Variants in PDE4D observed in about 807,000 individuals in gnomAD.
PDE4D encodes the protein 3',5'-cyclic-AMP phosphodiesterase 4D.
A neutral mutation model predicts 87.4 loss-of-function variants in PDE4D; 24 were observed. That is an observed-to-expected ratio of 0.27 (90% CI 0.20 to 0.39). The LOEUF is 0.39. Among genes scored for constraint, PDE4D ranks in the 10% least tolerant of loss-of-function variants. The pLI is 1.00. For missense variants in PDE4D, 714 were observed against 1,041.0 expected (o/e 0.69, Z 4.32); for synonymous variants, 384 against 383.2 (o/e 1.00, Z -0.02).
chr5:60,225,220 C>T (rs1744947975), intron 1 of PDE4D, among the ~76,000 whole-genome samples: 1 of 152,022 alleles, frequency 6.6e-6, no homozygotes, highest in Non-Finnish European at 1.5e-5. Context: ...CTACCCATGT[C>T]AAGAGGATCT....
intron 1 of PDE4D, among the ~76,000 whole-genome samples, chr5:59,837,623 G>C (rs1026714607): frequency 2.6e-5 from 4 of 152,006 alleles, no homozygotes; most frequent in African/African-American, 9.7e-5. Flanking sequence ...CGTATTATTT[G>C]CTTTCAATCA....
intron 1 of PDE4D, among the ~76,000 whole-genome samples, chr5:59,293,842 A>C (rs1325842379): frequency 1.3e-5 from 2 of 152,130 alleles, no homozygotes; most frequent in Non-Finnish European, 2.9e-5. Context: ...CTGAAGGCAA[A>C]ATCTGGCTGC....
At chr5:59,857,645 T>C (rs909175677) in intron 1 of PDE4D, among the ~76,000 whole-genome samples, 3 of 151,958 alleles carry the variant, frequency 2.0e-5, no homozygotes, top group African/African-American at 7.3e-5. Flanking sequence ...TTTTGGAAGA[T>C]GAAACTGGAA....
intron 3 of PDE4D, among the ~76,000 whole-genome samples, chr5:59,982,029 T>A (rs2152826007): frequency 6.6e-6 from 1 of 152,292 alleles, no homozygotes; most frequent in Non-Finnish European, 1.5e-5. Context: ...AGCACACAAA[T>A]CAAGGAAATA....
intron 1 of PDE4D, among the ~76,000 whole-genome samples, chr5:59,606,161 A>G (rs1828173841): frequency 6.6e-6 from 1 of 151,996 alleles, no homozygotes. Flanking sequence ...ATCTATGTGA[A>G]CCCCAGATCA....
At chr5:59,779,279 T>C (rs1029742393) in intron 1 of PDE4D, among the ~76,000 whole-genome samples, 2 of 152,146 alleles carry the variant, frequency 1.3e-5, no homozygotes, top group African/African-American at 4.8e-5. Context: ...ATGTTAAAAG[T>C]TCTGCAGAAC....
At chr5:59,174,962 T>C (rs995361524) in intron 5 of PDE4D, among the ~76,000 whole-genome samples, 4 of 152,174 alleles carry the variant, frequency 2.6e-5, no homozygotes, top group Non-Finnish European at 5.9e-5. Context: ...ATATTGGAAA[T>C]ATGGAAATTC....
intron 1 of PDE4D, among the ~76,000 whole-genome samples, chr5:60,323,721 TG>T (rs1294481835): frequency 6.6e-6 from 1 of 151,996 alleles, no homozygotes; most frequent in African/African-American, 2.4e-5. Context: ...GTCTGGCCTC[TG>T]GATGTCTCTT....
At chr5:59,259,197 C>A (rs1299342085) in intron 1 of PDE4D, among the ~76,000 whole-genome samples, 1 of 151,564 alleles carries the variant, frequency 6.6e-6, no homozygotes, top group Non-Finnish European at 1.5e-5. Flanking sequence ...TTTTGGTTTG[C>A]TGTGTCCCTA....
chr5:59,427,823 A>C (rs1795525007), intron 1 of PDE4D, among the ~76,000 whole-genome samples: 1 of 151,828 alleles, frequency 6.6e-6, no homozygotes, highest in Admixed American at 6.6e-5. Context: ...GTCTCAAAAA[A>C]AAAAAAAAAA....
At chr5:59,108,953 CAA>C (rs72312833) in intron 5 of PDE4D, among the ~76,000 whole-genome samples, 9,011 of 94,260 alleles carry the variant, frequency 0.096, 458 homozygotes, top group Non-Finnish European at 0.13. Flanking sequence ...CATAGGAACT[CAA>C]TGTGTGTGTG....
At chr5:59,637,315 A>G (rs1832373705) in intron 1 of PDE4D, among the ~76,000 whole-genome samples, 1 of 152,210 alleles carries the variant, frequency 6.6e-6, no homozygotes, top group Non-Finnish European at 1.5e-5. Context: ...AATTGGTTCA[A>G]CCATCGTGGA....
intron 1 of PDE4D, among the ~76,000 whole-genome samples, chr5:60,303,299 C>G (rs1754093820): frequency 6.8e-6 from 1 of 147,936 alleles, no homozygotes; most frequent in Non-Finnish European, 1.5e-5. Context: ...GTGGTTATAT[C>G]TGGATTTCTT....
rs116317047 is a variant in PDE4D, at chr5:59,750,316, G to A, written c.455+142852C>T. ...ACACTTTTTGCTTCAATACATCACAGTCATCACCAAGGAATGACCCAAGTC... is the reference window on the plus strand; with the variant it reads ...ACACTTTTTGCTTCAATACATCACAATCATCACCAAGGAATGACCCAAGTC... On this transcript the variant is annotated intron_variant, in intron 1 of 14. Coordinates refer to ENST00000340635, the MANE Select transcript of PDE4D (RefSeq NM_001104631.2). 3.9e-3 allele frequency among the ~76,000 whole-genome samples: 600 copies of A among 152,058 alleles called. 6 individuals carry two copies. Among genetic ancestry groups the A allele is most frequent in the African/African-American group, 0.013 (556 of 41,500 alleles).
intron 1 of PDE4D, among the ~76,000 whole-genome samples, chr5:60,373,691 A>T (rs1257627816): frequency 2.6e-5 from 4 of 152,226 alleles, no homozygotes; most frequent in Admixed American, 1.3e-4. Flanking sequence ...TATGGATATC[A>T]GAGGCCAAGA....
At chr5:59,299,282 C>G (rs954842706) in intron 1 of PDE4D, among the ~76,000 whole-genome samples, 2 of 152,074 alleles carry the variant, frequency 1.3e-5, no homozygotes, top group Non-Finnish European at 2.9e-5. Context: ...TGAAAAGCAC[C>G]CCAGCTTCCT....
At chr5:60,223,076 G>A (rs1219279411) in intron 1 of PDE4D, among the ~76,000 whole-genome samples, 1 of 152,048 alleles carries the variant, frequency 6.6e-6, no homozygotes, top group African/African-American at 2.4e-5. Context: ...GATCCTTCTT[G>A]TTAAGTGTGG....
chr5:59,160,113 T>C (rs2153464456), intron 5 of PDE4D, among the ~76,000 whole-genome samples: 1 of 152,314 alleles, frequency 6.6e-6, no homozygotes, highest in East Asian at 1.9e-4. Context: ...GAGATTTTCA[T>C]GAATATTCAA....
At chr5:59,780,793 A>C (rs1211246422) in intron 1 of PDE4D, among the ~76,000 whole-genome samples, 1 of 152,186 alleles carries the variant, frequency 6.6e-6, no homozygotes, top group Non-Finnish European at 1.5e-5. Flanking sequence ...AAAGAACAGG[A>C]GTATAGTTTT....
Sources: allele counts gnomAD v4.1 joint callset (sites outside exome capture counted in the v4.1 genomes callset), GRCh38; gene constraint gnomAD v4.1.1; transcripts MANE v1.5; gene names NCBI Gene and HGNC (gene_info 2026-07-23, HGNC 2026-07-21).